SGCZ: variants seen among roughly 807,000 people sequenced by gnomAD.
SGCZ encodes the protein sarcoglycan zeta.
Under a neutral mutation model 41.3 loss-of-function variants are expected in SGCZ, and 40 were observed. That is an observed-to-expected ratio of 0.97 (90% CI 0.75 to 1.26). The LOEUF (loss-of-function observed/expected upper bound fraction) is 1.26, where lower values mean the gene tolerates loss of function less well. Ranked by LOEUF, SGCZ falls within the 50% of genes most tolerant of loss-of-function variation. The pLI is 0.00. For missense variants in SGCZ, 552 were observed against 369.8 expected (o/e 1.49, Z -4.04); for synonymous variants, 206 against 137.5 (o/e 1.50, Z -3.49).
intron 4 of SGCZ, among the ~76,000 whole-genome samples, chr8:14,173,302 G>C (rs991430155): frequency 9.2e-5 from 14 of 151,938 alleles, no homozygotes; most frequent in African/African-American, 3.4e-4. Context: ...CCATATGCTA[G>C]AGTTAGCAAA....
chr8:14,833,595 T>G (rs2130607740), intron 1 of SGCZ, among the ~76,000 whole-genome samples: 1 of 152,276 alleles, frequency 6.6e-6, no homozygotes, highest in South Asian at 2.1e-4. Context: ...ACACCTCAGG[T>G]TTTTAGTTGA....
At chr8:14,803,066 A>G (rs2247142) in intron 1 of SGCZ, among the ~76,000 whole-genome samples, 65,054 of 151,784 alleles carry the variant, frequency 0.43, 14,508 homozygotes, top group East Asian at 0.5. Context: ...TTCCTGTATT[A>G]CTAAATTATT....
intron 5 of SGCZ, among the ~76,000 whole-genome samples, chr8:14,152,160 A>G (rs889291568): frequency 1.4e-5 from 2 of 147,566 alleles, no homozygotes; most frequent in African/African-American, 4.9e-5. Flanking sequence ...AGTAGGATAA[A>G]ATATTTGCAA....
intron 1 of SGCZ, among the ~76,000 whole-genome samples, chr8:15,082,449 T>TGCG (rs1805790307): frequency 6.6e-6 from 1 of 150,698 alleles, no homozygotes; most frequent in African/African-American, 2.4e-5. Context: ...TCTAAGTGTG[T>TGCG]GTGTGTGTAT....
intron 1 of SGCZ, among the ~76,000 whole-genome samples, chr8:14,863,191 A>G (rs1420469500): frequency 6.6e-6 from 1 of 152,100 alleles, no homozygotes; most frequent in African/African-American, 2.4e-5. Context: ...TAATCCTTTC[A>G]CTGCTACATG....
intron 1 of SGCZ, among the ~76,000 whole-genome samples, chr8:14,789,138 T>A (rs1365072697): frequency 1.3e-5 from 2 of 152,146 alleles, no homozygotes; most frequent in African/African-American, 2.4e-5. Context: ...ACACTCCTGT[T>A]GTGTTTACAA....
intron 1 of SGCZ, among the ~76,000 whole-genome samples, chr8:15,001,573 C>CA (rs1194100508): frequency 5.3e-5 from 8 of 151,566 alleles, no homozygotes; most frequent in Non-Finnish European, 8.8e-5. Flanking sequence ...ACTAAAAATG[C>CA]AAAAAATAAG....
chr8:14,677,725 C>G (rs975094052), intron 1 of SGCZ, among the ~76,000 whole-genome samples: 1 of 151,982 alleles, frequency 6.6e-6, no homozygotes, highest in Admixed American at 6.6e-5. Context: ...GAGCCAAGAT[C>G]GCACAAGTAA....
At chr8:14,561,934 G>C (rs937604005) in intron 1 of SGCZ, among the ~76,000 whole-genome samples, 1 of 152,118 alleles carries the variant, frequency 6.6e-6, no homozygotes, top group African/African-American at 2.4e-5. Context: ...GGAAAATCTG[G>C]TTTTCAGACA....
intron 1 of SGCZ, among the ~76,000 whole-genome samples, chr8:14,604,921 T>A (rs917025037): frequency 6.6e-6 from 1 of 152,186 alleles, no homozygotes; most frequent in Non-Finnish European, 1.5e-5. Context: ...ATTAAATTAA[T>A]GAATGACAAA....
At chr8:15,074,013 C>G (rs571515891) in intron 1 of SGCZ, among the ~76,000 whole-genome samples, 2 of 152,272 alleles carry the variant, frequency 1.3e-5, no homozygotes, top group Admixed American at 1.3e-4. Flanking sequence ...CTTCCCAAAA[C>G]TAACTCACAA....
chr8:15,002,772 T>A (rs750925586), intron 1 of SGCZ, among the ~76,000 whole-genome samples: 5 of 152,184 alleles, frequency 3.3e-5, no homozygotes, highest in Admixed American at 6.5e-5. Flanking sequence ...TCAGAATAAT[T>A]GCTATGCAAA....
intron 1 of SGCZ, among the ~76,000 whole-genome samples, chr8:14,800,923 C>T (rs1354413078): frequency 2.6e-5 from 4 of 152,000 alleles, no homozygotes; most frequent in Non-Finnish European, 5.9e-5. Flanking sequence ...AAGATGACAA[C>T]CATAATGGTT....
At chr8:14,786,971 T>A (rs1800788139) in intron 1 of SGCZ, among the ~76,000 whole-genome samples, 1 of 151,980 alleles carries the variant, frequency 6.6e-6, no homozygotes, top group South Asian at 2.1e-4. Context: ...CCTGGTAGGT[T>A]GAAAATTAGA....
At chr8:14,143,585 G>A (rs970785195) in intron 5 of SGCZ, among the ~76,000 whole-genome samples, 1 of 152,146 alleles carries the variant, frequency 6.6e-6, no homozygotes, top group African/African-American at 2.4e-5. Flanking sequence ...CAAGATAGCA[G>A]ACATGTAGGC....
intron 1 of SGCZ, among the ~76,000 whole-genome samples, chr8:14,859,211 G>C (rs1345191216): frequency 1.3e-5 from 2 of 151,910 alleles, no homozygotes; most frequent in African/African-American, 4.8e-5. Context: ...CTTACTTGAG[G>C]GTCAAGATTC....
At chr8:14,540,305 T>C (rs1352737926) in intron 2 of SGCZ, among the ~76,000 whole-genome samples, 2 of 149,594 alleles carry the variant, frequency 1.3e-5, no homozygotes, top group Non-Finnish European at 3.0e-5. Flanking sequence ...TGTCTTGGTG[T>C]TGACCTTTTT....
intron 4 of SGCZ, among the ~76,000 whole-genome samples, chr8:14,210,480 TA>T (rs1404125392): frequency 1.5e-5 from 2 of 129,156 alleles, no homozygotes; most frequent in South Asian, 2.6e-4. Context: ...TTTTTTTTTT[TA>T]AACAGAGTTT....
At chr8:14,675,806 T>C (rs1056129779) in intron 1 of SGCZ, among the ~76,000 whole-genome samples, 1 of 152,160 alleles carries the variant, frequency 6.6e-6, no homozygotes, top group Non-Finnish European at 1.5e-5. Flanking sequence ...ACAAGCAAGA[T>C]GAGCTCATTG....
Sources: gnomAD v4.1 joint callset for allele counts (sites outside exome capture counted in the v4.1 genomes callset) on GRCh38, gnomAD v4.1.1 for gene constraint, MANE v1.5 for transcripts, NCBI Gene and HGNC (gene_info 2026-07-23, HGNC 2026-07-21) for gene names.